COX10: variants seen among roughly 807,000 people sequenced by gnomAD.
The protein encoded by COX10 is protoheme IX farnesyltransferase, mitochondrial.
A neutral mutation model predicts 37.3 loss-of-function variants in COX10; 27 were observed. That is an observed-to-expected ratio of 0.72 (90% CI 0.53 to 1.00). The LOEUF (loss-of-function observed/expected upper bound fraction) is 1.00. Among genes scored for constraint, COX10 ranks in the 50% least tolerant of loss-of-function variants. COX10 has a pLI of 0.00. For missense variants in COX10, 475 were observed against 563.2 expected, an observed-to-expected ratio of 0.84 and a Z score of 1.59; for synonymous variants, 222 against 229.1, an observed-to-expected ratio of 0.97 and a Z score of 0.28.
intron 4 of COX10, among the ~76,000 whole-genome samples, chr17:14,110,615 CTT>C (rs2142205909): frequency 6.6e-6 from 1 of 152,116 alleles, no homozygotes; most frequent in South Asian, 2.1e-4. Flanking sequence ...CTAATTATCT[CTT>C]TCTTTTCTTT....
At chr17:14,140,381 A>G (rs955140866) in intron 4 of COX10, among the ~76,000 whole-genome samples, 2 of 152,122 alleles carry the variant, frequency 1.3e-5, no homozygotes, top group Admixed American at 6.6e-5. Context: ...CTCATATTCT[A>G]TCAAGTTGTT....
At chr17:14,098,994 C>T (rs1324356109) in intron 3 of COX10, among the ~76,000 whole-genome samples, 1 of 152,114 alleles carries the variant, frequency 6.6e-6, no homozygotes, top group Non-Finnish European at 1.5e-5. Context: ...CTGGCCTAGA[C>T]TCCCCACCTC....
chr17:14,162,779 G>A (rs1905196289), intron 5 of COX10, among the ~76,000 whole-genome samples: 1 of 152,124 alleles, frequency 6.6e-6, no homozygotes, highest in South Asian at 2.1e-4. Context: ...AAAGAAAATG[G>A]ATTGTAATCG....
In COX10 at chr17:14,158,079, T is replaced by C. The variant is rs571528242; in HGVS notation, c.625-1798T>C. On this transcript the variant is annotated intron_variant, in intron 4 of 6. Coordinates refer to ENST00000261643, the MANE Select transcript of COX10 (RefSeq NM_001303.4). The stretch of plus-strand genomic sequence containing the variant: ...TGACCCAAGTGTGAGGGACTAGGGC[T>C]AGTAGATACTTACTATGAATGACAG... Among the ~76,000 whole-genome samples the C allele has an allele frequency of 7.2e-5, 11 of 152,214 alleles. No homozygotes were observed. The East Asian group carries it at 2.1e-3, about 29-fold the overall frequency.
intron 4 of COX10, among the ~76,000 whole-genome samples, chr17:14,137,942 A>G (rs1382893469): frequency 7.3e-6 from 1 of 136,664 alleles, no homozygotes; most frequent in African/African-American, 2.6e-5. Flanking sequence ...CGTGGCAGAC[A>G]CAATTCAGTT....
At chr17:14,166,648 C>G (rs1444124815) in intron 5 of COX10, among the ~76,000 whole-genome samples, 2 of 69,404 alleles carry the variant, frequency 2.9e-5, no homozygotes, top group African/African-American at 7.5e-5. Flanking sequence ...CAGTCTTCCT[C>G]TCACTCAGGC....
intron 4 of COX10, among the ~76,000 whole-genome samples, chr17:14,116,046 T>A (rs956079389): frequency 2.6e-5 from 4 of 152,196 alleles, no homozygotes; most frequent in African/African-American, 9.6e-5. Flanking sequence ...AGGGAAGAGA[T>A]AAAATTAAGC....
At chr17:14,179,243 C>T (rs2856145) in intron 5 of COX10, 1 of 982,588 alleles carries the variant, frequency 1.0e-6, no homozygotes, top group Non-Finnish European at 1.2e-6. Context: ...TCTACCATCT[C>T]TTATCAAACC....
rs1419032388 is a variant in COX10 at position 14,069,510 on chromosome 17, C to A, written c.-96C>A. ...CCGGAAGTGGCGGCCCGGAACTACT[C>A]CCACAGGGGGGCGGGGAAGGAAGAT... On this transcript the variant is annotated 5_prime_UTR_variant, in exon 1 of 7. Coordinates refer to ENST00000261643, the MANE Select transcript of COX10 (RefSeq NM_001303.4). 4 of 1,482,882 alleles carry A rather than the reference C, an allele frequency of 2.7e-6. No homozygotes were observed. The highest frequency in any genetic ancestry group is 2.8e-5 in the African/African-American group (2 of 72,212). 91.9% of individuals were successfully genotyped at this position (1,482,882 alleles called of 1,614,324 possible). A position where few individuals can be genotyped will look rare whatever the true frequency, so the allele number is the denominator to read the frequency against.
intron 4 of COX10, among the ~76,000 whole-genome samples, chr17:14,123,644 T>C (rs1393372114): frequency 6.6e-6 from 1 of 152,196 alleles, no homozygotes; most frequent in Non-Finnish European, 1.5e-5. Flanking sequence ...TTCTGTAGTC[T>C]CTTTAATGTT....
At chr17:14,109,417 C>G (rs1244588893) in intron 4 of COX10, among the ~76,000 whole-genome samples, 1 of 152,156 alleles carries the variant, frequency 6.6e-6, no homozygotes, top group East Asian at 1.9e-4. Context: ...ACCAAAATAA[C>G]TCCAGGTGAG....
At chr17:14,082,748 A>G (rs891697449) in intron 3 of COX10, among the ~76,000 whole-genome samples, 1 of 152,156 alleles carries the variant, frequency 6.6e-6, no homozygotes. Flanking sequence ...TTGGCTTCCA[A>G]ATGTCAGCAT....
At chr17:14,155,728 A>G (rs1905026558) in intron 4 of COX10, among the ~76,000 whole-genome samples, 1 of 151,700 alleles carries the variant, frequency 6.6e-6, no homozygotes, top group Admixed American at 6.6e-5. Flanking sequence ...AAAAAAAAGA[A>G]AAAAAAAGAA....
chr17:14,110,950 AACTGAGCCCCCAGAC>A (rs912917719), intron 4 of COX10, among the ~76,000 whole-genome samples: 3 of 152,090 alleles, frequency 2.0e-5, no homozygotes, highest in Non-Finnish European at 4.4e-5. Context: ...CTGAATTCTA[AACTGAGCCCCCAGAC>A]ACTGAAAGGA....
At chr17:14,091,080 A>G (rs1367623431) in intron 3 of COX10, among the ~76,000 whole-genome samples, 1 of 152,180 alleles carries the variant, frequency 6.6e-6, no homozygotes, top group East Asian at 1.9e-4. Flanking sequence ...GATGACAGAA[A>G]GCATTGTGTC....
rs551902967 is a variant in COX10 at position 14,106,538 on chromosome 17, T to G, written c.624+4296T>G. Among the ~76,000 whole-genome samples the G allele has an allele frequency of 1.6e-4, 25 of 152,328 alleles. No individual in the cohort carries two copies. In the South Asian group the frequency reaches 5.0e-3, roughly 30 times the overall value. On this transcript the variant is annotated intron_variant, in intron 4 of 6. Coordinates refer to ENST00000261643, the MANE Select transcript of COX10 (RefSeq NM_001303.4). ...TTATGAAGTTTTCAAAATAAAAAGT[T>G]AAAATTAAGAAAAACTACTTCAAGT...
chr17:14,128,053 C>CT lies in COX10; in HGVS notation c.624+25820dup, dbSNP rs200354926. Among the ~76,000 whole-genome samples, 514 of 149,470 alleles carry CT rather than the reference C, an allele frequency of 3.4e-3. 2 individuals are homozygous for CT. Among genetic ancestry groups the CT allele is most frequent in the African/African-American group, 8.9e-3 (362 of 40,758 alleles). On this transcript the variant is annotated intron_variant, in intron 4 of 6. Transcript: ENST00000261643. ...GATGCTGCATATAAATCTGATTTAT[C>CT]TTTTTTTTTAAGTCTAGACGTTTTA... is the stretch of plus-strand genomic sequence containing the variant.
intron 5 of COX10, among the ~76,000 whole-genome samples, chr17:14,163,239 T>TTATG (rs1203931456): frequency 9.1e-4 from 64 of 70,304 alleles, no homozygotes; most frequent in Middle Eastern, 7.8e-3. Flanking sequence ...ACAGGAAAAT[T>TTATG]TATTTATTTA....
At chr17:14,108,676 TAA>T (rs11285831) in intron 4 of COX10, among the ~76,000 whole-genome samples, 1 of 152,114 alleles carries the variant, frequency 6.6e-6, no homozygotes, top group Non-Finnish European at 1.5e-5. Context: ...TGAAATAAGG[TAA>T]AAAAAGAAGG....
Sources: allele counts gnomAD v4.1 joint callset (sites outside exome capture counted in the v4.1 genomes callset), GRCh38; gene constraint gnomAD v4.1.1; transcripts MANE v1.5; gene names NCBI Gene and HGNC (gene_info 2026-07-23, HGNC 2026-07-21).